The following NCOA1 variants were observed in gnomAD, a reference collection of about 807,000 sequenced individuals.
NCOA1 encodes Hin-2 protein.
Under a neutral mutation model 150.9 loss-of-function variants are expected in NCOA1, and 35 were observed. That is an observed-to-expected ratio of 0.23 (90% confidence interval 0.18 to 0.31). The LOEUF is 0.31. Ranked by LOEUF, NCOA1 falls within the 10% of genes least tolerant of loss-of-function variation. The pLI is 1.00. For missense variants in NCOA1, 1,491 were observed against 1,749.3 expected, an observed-to-expected ratio of 0.85 and a Z score of 2.63; for synonymous variants, 590 against 630.0, an observed-to-expected ratio of 0.94 and a Z score of 0.95.
chr2:24,579,340 G>T (rs1474422652), intron 2 of NCOA1, among the ~76,000 whole-genome samples: 1 of 152,160 alleles, frequency 6.6e-6, no homozygotes, highest in East Asian at 1.9e-4. Flanking sequence ...CATATATAAG[G>T]ACAGAATTCT....
intron 3 of NCOA1, among the ~76,000 whole-genome samples, chr2:24,608,704 G>GTTTTTTTTTTTTTTTTTTCTTT (rs1668486097): frequency 8.5e-6 from 1 of 117,334 alleles, no homozygotes; most frequent in African/African-American, 3.3e-5. Context: ...TTGTTGTTGT[G>GTTTTTTTTTTTTTTTTTTCTTT]TTTTTTTTTT....
intron 1 of NCOA1, among the ~76,000 whole-genome samples, chr2:24,557,859 TTCTC>T (rs575611231): frequency 1.0e-3 from 159 of 152,164 alleles, no homozygotes; most frequent in Middle Eastern, 3.4e-3. Flanking sequence ...TGATATTTTT[TTCTC>T]TCTCTAACTT....
At chr2:24,556,732 A>G (rs932890813) in intron 1 of NCOA1, among the ~76,000 whole-genome samples, 1 of 152,092 alleles carries the variant, frequency 6.6e-6, no homozygotes, top group Non-Finnish European at 1.5e-5. Context: ...GAAACAACAG[A>G]TGGTGGTGAG....
intron 13 of NCOA1, among the ~76,000 whole-genome samples, chr2:24,709,120 A>G (rs991745500): frequency 1.3e-5 from 2 of 152,238 alleles, no homozygotes; most frequent in African/African-American, 4.8e-5. Flanking sequence ...CAATGAAACT[A>G]ATTTTTAAGC....
At chr2:24,763,328 A>G (rs539376661) in intron 22 of NCOA1, among the ~76,000 whole-genome samples, 15 of 151,886 alleles carry the variant, frequency 9.9e-5, no homozygotes, top group Non-Finnish European at 1.5e-4. Context: ...TCACAAGGTC[A>G]GGAGATTAAG....
chr2:24,624,718 C>G (rs754350236), intron 3 of NCOA1, among the ~76,000 whole-genome samples: 23 of 152,090 alleles, frequency 1.5e-4, no homozygotes, highest in Non-Finnish European at 3.2e-4. Context: ...TATACATATG[C>G]AAGATATTAC....
At chr2:24,766,358 T>C (rs913996905) in intron 22 of NCOA1, among the ~76,000 whole-genome samples, 11 of 152,240 alleles carry the variant, frequency 7.2e-5, no homozygotes, top group Admixed American at 4.6e-4. Context: ...AAATTTTATA[T>C]GTTGACCTTT....
At chr2:24,560,595 C>G (rs1012017872) in intron 1 of NCOA1, among the ~76,000 whole-genome samples, 1 of 152,170 alleles carries the variant, frequency 6.6e-6, no homozygotes, top group Non-Finnish European at 1.5e-5. Context: ...TTGATCACTT[C>G]ATCTTTTAGG....
chr2:24,709,387 G>T (rs1318879806), intron 13 of NCOA1, among the ~76,000 whole-genome samples: 2 of 152,026 alleles, frequency 1.3e-5, no homozygotes, highest in African/African-American at 2.4e-5. Context: ...CAATATTTTA[G>T]ATTTTTAGCT....
At chr2:24,564,845 A>G (rs1487450131) in intron 2 of NCOA1, 1 of 152,240 alleles carries the variant, frequency 6.6e-6, no homozygotes, top group Non-Finnish European at 1.5e-5. Flanking sequence ...GAACTGGAAT[A>G]AATAAATGTC....
At chr2:24,516,186 CTTTTTTT>C (rs755818385) in intron 1 of NCOA1, among the ~76,000 whole-genome samples, 15 of 93,012 alleles carry the variant, frequency 1.6e-4, no homozygotes, top group Non-Finnish European at 2.2e-4. Flanking sequence ...TAGGTTTTGC[CTTTTTTT>C]TTTTTTTTTT....
chr2:24,716,615 A>G (rs55939051), intron 14 of NCOA1, among the ~76,000 whole-genome samples: 54 of 152,358 alleles, frequency 3.5e-4, no homozygotes, highest in African/African-American at 1.3e-3. Flanking sequence ...TCAACAAAAA[A>G]AAGTCATTGA....
At chr2:24,709,393 T>C (rs893163510) in intron 13 of NCOA1, among the ~76,000 whole-genome samples, 1 of 152,214 alleles carries the variant, frequency 6.6e-6, no homozygotes. Context: ...TTTAGATTTT[T>C]AGCTATTCTG....
At chr2:24,740,390 G>A (rs1012614144) in intron 18 of NCOA1, among the ~76,000 whole-genome samples, 2 of 152,196 alleles carry the variant, frequency 1.3e-5, no homozygotes, top group African/African-American at 2.4e-5. Flanking sequence ...CTGGCTATGT[G>A]TATAGCCTAT....
At chr2:24,622,347 A>G (rs942635429) in intron 3 of NCOA1, among the ~76,000 whole-genome samples, 1 of 152,198 alleles carries the variant, frequency 6.6e-6, no homozygotes, top group Non-Finnish European at 1.5e-5. Flanking sequence ...AGCATCTGAT[A>G]TCTACCTAGT....
intron 20 of NCOA1, among the ~76,000 whole-genome samples, chr2:24,757,113 CA>C (rs1664542554): frequency 6.6e-6 from 1 of 152,132 alleles, no homozygotes; most frequent in African/African-American, 2.4e-5. Context: ...GAAGTGACAA[CA>C]AGCTATAGGA....
In NCOA1 at chr2:24,770,240, GA is replaced by G; in HGVS notation, c.*1851del. On this transcript the variant is annotated 3_prime_UTR_variant, in exon 23 of 23. Coordinates refer to ENST00000348332, the MANE Select transcript of NCOA1 (RefSeq NM_003743.5). ...CTCTAGTCCCTACCAAACTGCTCTAGAAGGTCATTTCCATTTTGTTTGTGAT... is the reference window on the plus strand; with the variant it reads ...CTCTAGTCCCTACCAAACTGCTCTAGAGGTCATTTCCATTTTGTTTGTGAT... 1 of 231,152 alleles carries G rather than the reference GA, an allele frequency of 4.3e-6. No individual in the cohort carries two copies. The highest frequency in any genetic ancestry group is 8.6e-6 in the Non-Finnish European group (1 of 116,512). 14.3% of individuals were successfully genotyped at this position (231,152 alleles called of 1,614,324 possible).
At chr2:24,586,376 T>TTTTG (rs113339929) in intron 3 of NCOA1, among the ~76,000 whole-genome samples, 347 of 151,550 alleles carry the variant, frequency 2.3e-3, no homozygotes, top group African/African-American at 4.3e-3. Flanking sequence ...GCTTGAGGCT[T>TTTTG]TTTGTTTGTT....
rs1201184758 is a variant in NCOA1 at position 24,707,704 on chromosome 2, A to C, written c.2234A>C (p.Asp745Ala). The C allele has an allele frequency of 6.2e-7, 1 of 1,614,166 alleles. No homozygotes were observed. Among genetic ancestry groups the C allele is most frequent in the East Asian group, 2.2e-5 (1 of 44,880 alleles). The change falls in exon 13 of 23, where the codon GAC (aspartate) becomes GCC (alanine). Residue 745 changes from aspartate to alanine, a missense_variant. Transcript: ENST00000348332. The stretch of plus-strand genomic sequence containing the variant: ...GCTTCAAAGAAAAAAGAATCAAAAG[A>C]CCATCAGCTCCTACGCTATCTTTTA... ...LDASKKKESK[D>A]HQLLRYLLDK...
Sources: allele counts gnomAD v4.1 joint callset (sites outside exome capture counted in the v4.1 genomes callset), GRCh38; gene constraint gnomAD v4.1.1; transcripts MANE v1.5; gene names NCBI Gene and HGNC (gene_info 2026-07-23, HGNC 2026-07-21).